USP15: variants seen among roughly 807,000 people sequenced by gnomAD.
USP15 encodes ubiquitin carboxyl-terminal hydrolase 15.
A neutral mutation model predicts 127.1 loss-of-function variants in USP15; 18 were observed. That is an observed-to-expected ratio of 0.14 (90% CI 0.10 to 0.21). The LOEUF (loss-of-function observed/expected upper bound fraction) is 0.21, where lower values mean the gene tolerates loss of function less well. Ranked by LOEUF, USP15 falls within the 10% of genes least tolerant of loss-of-function variation. The probability of loss-of-function intolerance (pLI) is 1.00; values close to 1 mark genes in which losing one functional copy is unlikely to be tolerated. For missense variants in USP15, 805 were observed against 1,159.9 expected (o/e 0.69, Z 4.44); for synonymous variants, 364 against 393.7 (o/e 0.92, Z 0.89).
intron 1 of USP15, among the ~76,000 whole-genome samples, chr12:62,264,499 C>G (rs944885067): frequency 2.6e-5 from 4 of 152,108 alleles, no homozygotes; most frequent in African/African-American, 9.7e-5. Context: ...TGTATAAACC[C>G]TAATAACTGT....
chr12:62,404,123 T>C lies in USP15; in HGVS notation c.2764-70T>C, dbSNP rs2067788291. 8 of 1,368,670 alleles carry C rather than the reference T, an allele frequency of 5.8e-6. No homozygotes were observed. In the East Asian group the frequency reaches 2.1e-4, roughly 36 times the overall value. 84.8% of individuals were successfully genotyped at this position (1,368,670 alleles called of 1,614,324 possible). On this transcript the variant is annotated intron_variant, in intron 21 of 21. Transcript: ENST00000280377. ...CCTCTTACCAAAATTGGTGACCAGC[T>C]AAAAATTCATAATGTATTTAACGTG... is the stretch of plus-strand genomic sequence containing the variant.
In USP15 at chr12:62,302,988, C is replaced by G. The variant is rs764570604; in HGVS notation, c.348+68C>G. ...ATTAGTTCACATTTTATTATTAATT[C>G]AATGAATTGTGAAGTTTCATCACTT... On this transcript the variant is annotated intron_variant, in intron 3 of 21. Transcript: ENST00000280377. 2.6e-6 allele frequency: 4 copies of G among 1,514,394 alleles called. No individual in the cohort carries two copies. In the East Asian group the frequency reaches 9.9e-5, roughly 37 times the overall value. 93.8% of individuals were successfully genotyped at this position (1,514,394 alleles called of 1,614,324 possible). A position where few individuals can be genotyped will look rare whatever the true frequency, so the allele number is the denominator to read the frequency against.
At chr12:62,312,258 A>C (rs1349576067) in intron 3 of USP15, 1 of 333,946 alleles carries the variant, frequency 3.0e-6, no homozygotes, top group Admixed American at 3.6e-5. Flanking sequence ...TTTTTTAGAA[A>C]TTACTTATAT....
intron 8 of USP15, among the ~76,000 whole-genome samples, chr12:62,378,766 A>T (rs945812419): frequency 6.6e-6 from 1 of 152,174 alleles, no homozygotes; most frequent in African/African-American, 2.4e-5. Flanking sequence ...TATTTTTGAG[A>T]TTATTCTTTA....
chr12:62,355,170 T>C (rs1237295292), intron 7 of USP15, 161 bp from the exon 8 acceptor site: 3 of 602,210 alleles, frequency 5.0e-6, no homozygotes, highest in Admixed American at 3.4e-5. Flanking sequence ...GGGTGAGTTA[T>C]TTTTTTGAGG....
rs1260159699 is a variant in USP15 at position 62,412,302 on chromosome 12, A to G, written c.*7927A>G. 1 of 152,218 alleles carries G rather than the reference A, an allele frequency of 6.6e-6. No individual in the cohort carries two copies. Among genetic ancestry groups the G allele is most frequent in the Admixed American group, 6.5e-5 (1 of 15,276 alleles). The allele number at this position is 152,218 out of a possible 1,614,324, so 9.4% of individuals were successfully genotyped here. A position where few individuals can be genotyped will look rare whatever the true frequency, so the allele number is the denominator to read the frequency against. On this transcript the variant is annotated 3_prime_UTR_variant, in exon 22 of 22. Transcript: ENST00000280377. Reference sequence around the variant, plus strand: ...TGATGGACAGTCTTGCCTCATTTTGATAGATACTCACCAGGATGGTGGTTG... The same window carrying G: ...TGATGGACAGTCTTGCCTCATTTTGGTAGATACTCACCAGGATGGTGGTTG...
At chr12:62,387,398 G>A (rs1310955509) in intron 11 of USP15, among the ~76,000 whole-genome samples, 1 of 152,126 alleles carries the variant, frequency 6.6e-6, no homozygotes, top group Non-Finnish European at 1.5e-5. Context: ...AGACACTGTT[G>A]CCTCTTCCAA....
rs1307367429 is a variant in USP15, at chr12:62,390,966, A to T, written c.1947A>T (p.Glu649Asp). The change falls in exon 15 of 22, where the codon GAA (glutamate) becomes GAT (aspartate). Residue 649 changes from glutamate (E) to aspartate (D), a missense_variant. Transcript: ENST00000280377. ...INGNGPNGIH[E>D]EGSPSEMETD... ...GGAATGGCCCAAATGGCATACATGA[A>T]GAAGGCTCACCAAGTAAGACTTTTC... The T allele has an allele frequency of 6.2e-7, 1 of 1,611,836 alleles. No homozygotes were observed.
chr12:62,307,571 A>G (rs1592551275), intron 3 of USP15, among the ~76,000 whole-genome samples: 1 of 152,154 alleles, frequency 6.6e-6, no homozygotes, highest in Non-Finnish European at 1.5e-5. Context: ...CCCCTTATCT[A>G]TGGTTTTGCT....
At chr12:62,261,672 T>A (rs529537407) in intron 1 of USP15, among the ~76,000 whole-genome samples, 1 of 152,326 alleles carries the variant, frequency 6.6e-6, no homozygotes, top group South Asian at 2.1e-4. Flanking sequence ...CGTTTTAATA[T>A]CTTAAGAATT....
At chr12:62,268,092 C>T (rs1193883313) in intron 1 of USP15, among the ~76,000 whole-genome samples, 2 of 151,980 alleles carry the variant, frequency 1.3e-5, no homozygotes. Context: ...TACTCATTTA[C>T]TATGTTAAGA....
chr12:62,317,698 A>G (rs1565848799), intron 4 of USP15, among the ~76,000 whole-genome samples: 1 of 152,220 alleles, frequency 6.6e-6, no homozygotes. Context: ...TTTAGGAAAT[A>G]TAAGTGTCTG....
chr12:62,366,895 G>T (rs2066493157), intron 8 of USP15, among the ~76,000 whole-genome samples: 1 of 152,194 alleles, frequency 6.6e-6, no homozygotes, highest in Admixed American at 6.5e-5. Flanking sequence ...TCCCAGGGAT[G>T]AAGCCGACTT....
intron 5 of USP15, among the ~76,000 whole-genome samples, chr12:62,323,920 C>G (rs2065057890): frequency 6.6e-6 from 1 of 151,400 alleles, no homozygotes; most frequent in Admixed American, 6.6e-5. Flanking sequence ...AGGAATGTTT[C>G]AAAGAATAGT....
chr12:62,307,201 C>A (rs750963902), intron 3 of USP15, among the ~76,000 whole-genome samples: 6 of 152,104 alleles, frequency 3.9e-5, no homozygotes, highest in Non-Finnish European at 8.8e-5. Context: ...ATGAAAGACG[C>A]CTTTGACCTC....
chr12:62,264,946 C>T (rs1342807496), intron 1 of USP15, among the ~76,000 whole-genome samples: 1 of 152,112 alleles, frequency 6.6e-6, no homozygotes, highest in Non-Finnish European at 1.5e-5. Flanking sequence ...CTTCTTCAGT[C>T]TTGGTAAATT....
In USP15 at chr12:62,409,598, T is replaced by G. The variant is rs1336636262; in HGVS notation, c.*5223T>G. ...TTTCTCATGTCAGGAACTTGCAGCT[T>G]GTTCTATATAGTTTGGTGAAACAAA... is the stretch of plus-strand genomic sequence containing the variant. On this transcript the variant is annotated 3_prime_UTR_variant, in exon 22 of 22. Coordinates refer to ENST00000280377, the MANE Select transcript of USP15 (RefSeq NM_001252078.2). The G allele has an allele frequency of 1.3e-5, 2 of 152,192 alleles. No homozygotes were observed. Among genetic ancestry groups the G allele is most frequent in the Admixed American group, 6.5e-5 (1 of 15,272 alleles). The allele number at this position is 152,192 out of a possible 1,614,324, so 9.4% of individuals were successfully genotyped here. A position where few individuals can be genotyped will look rare whatever the true frequency, so the allele number is the denominator to read the frequency against.
chr12:62,370,400 C>T (rs1400971188), intron 8 of USP15, among the ~76,000 whole-genome samples: 1 of 152,138 alleles, frequency 6.6e-6, no homozygotes, highest in Non-Finnish European at 1.5e-5. Flanking sequence ...TAGTCCTTAT[C>T]TCACCATAGC....
At chr12:62,317,455 C>G (rs1565848593) in intron 4 of USP15, among the ~76,000 whole-genome samples, 1 of 152,138 alleles carries the variant, frequency 6.6e-6, no homozygotes, top group Non-Finnish European at 1.5e-5. Context: ...AGAGTCTCAT[C>G]TCTCAATTGC....
Sources: allele counts gnomAD v4.1 joint callset (sites outside exome capture counted in the v4.1 genomes callset), GRCh38; gene constraint gnomAD v4.1.1; transcripts MANE v1.5; gene names NCBI Gene and HGNC (gene_info 2026-07-23, HGNC 2026-07-21).